The following DEUP1 variants were observed in gnomAD, a reference collection of about 807,000 sequenced individuals.
The protein encoded by DEUP1 is deuterosome assembly protein 1.
A neutral mutation model predicts 87.4 loss-of-function variants in DEUP1; 82 were observed. The observed-to-expected ratio is 0.94, with a 90% confidence interval of 0.78 to 1.13. The LOEUF (loss-of-function observed/expected upper bound fraction) is 1.13. Ranked by LOEUF, DEUP1 falls within the 50% of genes most tolerant of loss-of-function variation. The pLI is 0.00. For synonymous variants in DEUP1, 214 were observed against 222.7 expected, an observed-to-expected ratio of 0.96 and a Z score of 0.35; for missense variants, 663 against 681.5, an observed-to-expected ratio of 0.97 and a Z score of 0.30.
Position 93,366,917 on chromosome 11 carries a change from CA to C in DEUP1, c.432+2624del, listed in dbSNP as rs200139636. On this transcript the variant is annotated intron_variant, in intron 5 of 13. Transcript: ENST00000298050. ...GATTCCTTTTTAAATTAAAAGTAAA[CA>C]GAAATTTTTTAAATCTAGATTGCAT... Among the ~76,000 whole-genome samples the C allele has an allele frequency of 8.5e-5, 13 of 152,176 alleles. No individual in the cohort carries two copies. In the East Asian group the frequency reaches 2.3e-3, roughly 27 times the overall value.
chr11:93,409,347 T>C (rs1419682558), intron 12 of DEUP1, among the ~76,000 whole-genome samples: 1 of 152,180 alleles, frequency 6.6e-6, no homozygotes, highest in Non-Finnish European at 1.5e-5. Context: ...CTATCAAGCA[T>C]AAAAATAGGC....
intron 1 of DEUP1, among the ~76,000 whole-genome samples, chr11:93,332,012 G>C (rs1280390422): frequency 6.6e-6 from 1 of 152,162 alleles, no homozygotes; most frequent in African/African-American, 2.4e-5. Context: ...CTGCACTCCA[G>C]CCTGGGCCAC....
At chr11:93,412,075 G>A (rs1947450738) in intron 12 of DEUP1, among the ~76,000 whole-genome samples, 1 of 152,186 alleles carries the variant, frequency 6.6e-6, no homozygotes, top group Admixed American at 6.5e-5. Context: ...TGGAGTGTTG[G>A]AAGGTGAGGC....
At chr11:93,333,820 G>A (rs1256601055) in intron 2 of DEUP1, among the ~76,000 whole-genome samples, 1 of 152,188 alleles carries the variant, frequency 6.6e-6, no homozygotes, top group East Asian at 1.9e-4. Context: ...GCAGGGAGCA[G>A]CCTGCCTGGT....
intron 13 of DEUP1, among the ~76,000 whole-genome samples, chr11:93,415,816 T>C (rs1030594973): frequency 2.6e-5 from 4 of 152,116 alleles, no homozygotes; most frequent in Non-Finnish European, 5.9e-5. Context: ...CAGCTGTAGT[T>C]TATTTTTGTT....
At chr11:93,338,246 A>G (rs930058509) in intron 2 of DEUP1, among the ~76,000 whole-genome samples, 1 of 151,640 alleles carries the variant, frequency 6.6e-6, no homozygotes, top group Non-Finnish European at 1.5e-5. Flanking sequence ...TAGCAACACA[A>G]GTATCAGTGG....
chr11:93,396,422 A>T (rs575978393), intron 11 of DEUP1, 97 bp downstream of exon 11: 163 of 722,004 alleles, frequency 2.3e-4, no homozygotes, highest in Non-Finnish European at 3.4e-4. Context: ...GCTGTGTGTT[A>T]GACATGAAGG....
chr11:93,430,546 C>T lies in DEUP1; in HGVS notation c.1639-6997C>T, dbSNP rs58103389. On this transcript the variant is annotated intron_variant, in intron 13 of 13. Coordinates refer to ENST00000298050, the MANE Select transcript of DEUP1 (RefSeq NM_181645.4). ...TAGCCAAATAGGTAAATGAAATCCA[C>T]TGAAACAATGTAGATTGGTGGTTAC... Among the ~76,000 whole-genome samples the T allele has an allele frequency of 7.6e-3, 1,156 of 152,230 alleles. 15 individuals carry two copies. Among genetic ancestry groups the T allele is most frequent in the African/African-American group, 0.027 (1,115 of 41,544 alleles).
At chr11:93,387,216 A>G (rs908152929) in intron 8 of DEUP1, among the ~76,000 whole-genome samples, 2 of 152,072 alleles carry the variant, frequency 1.3e-5, no homozygotes, top group Non-Finnish European at 2.9e-5. Flanking sequence ...CATCTTTTCC[A>G]CTAAAAGAGT....
chr11:93,343,952 TA>T (rs1313178202), intron 2 of DEUP1, among the ~76,000 whole-genome samples: 1 of 152,116 alleles, frequency 6.6e-6, no homozygotes, highest in East Asian at 1.9e-4. Flanking sequence ...AATTATGTAA[TA>T]AAAATAGGCA....
intron 13 of DEUP1, among the ~76,000 whole-genome samples, chr11:93,434,091 C>T (rs774166760): frequency 7.2e-5 from 11 of 152,290 alleles, no homozygotes; most frequent in African/African-American, 2.2e-4. Context: ...GAAGGGGATC[C>T]GGGTAGGGGA....
chr11:93,418,625 G>T (rs1052708215), intron 13 of DEUP1, among the ~76,000 whole-genome samples: 1 of 151,702 alleles, frequency 6.6e-6, no homozygotes, highest in Non-Finnish European at 1.5e-5. Flanking sequence ...TCAGTGTGGC[G>T]ATTCCTCAGG....
intron 2 of DEUP1, among the ~76,000 whole-genome samples, chr11:93,355,032 A>G (rs985805076): frequency 2.6e-5 from 4 of 152,142 alleles, no homozygotes; most frequent in African/African-American, 4.8e-5. Context: ...CCTCTGTCAA[A>G]CCTTCTGAAG....
intron 12 of DEUP1, among the ~76,000 whole-genome samples, chr11:93,413,996 T>C (rs1947525866): frequency 6.6e-6 from 1 of 152,218 alleles, no homozygotes; most frequent in South Asian, 2.1e-4. Flanking sequence ...ACCTAATCTT[T>C]ACTAAACATT....
intron 7 of DEUP1, among the ~76,000 whole-genome samples, chr11:93,373,612 T>TAC (rs58114046): frequency 1.2e-5 from 1 of 86,750 alleles, no homozygotes; most frequent in African/African-American, 3.5e-5. Context: ...TATTTATATA[T>TAC]GTATATATAT....
rs11020283 is a variant in DEUP1 at position 93,366,114 on chromosome 11, G to A, written c.432+1820G>A. ...AAAAAATTTAGATGCACACTGAAGC[G>A]TTTAGGGATGAAAACACACGAGGTC... On this transcript the variant is annotated intron_variant, in intron 5 of 13. Coordinates refer to ENST00000298050, the MANE Select transcript of DEUP1 (RefSeq NM_181645.4). Among the ~76,000 whole-genome samples, 50 of 152,230 alleles carry A rather than the reference G, an allele frequency of 3.3e-4. No individual in the cohort carries two copies. The East Asian group carries it at 5.4e-3, about 16-fold the overall frequency.
Position 93,389,098 on chromosome 11 carries a change from A to G in DEUP1, c.1014A>G (p.Gln338=), listed in dbSNP as rs924900648. ...AGCTGTTTTCAGTGATGCAAGATCAACCAAATCATGAAAAAGAATTGAACA... is the reference window on the plus strand; with the variant it reads ...AGCTGTTTTCAGTGATGCAAGATCAGCCAAATCATGAAAAAGAATTGAACA... ...IKELFSVMQD[Q]PNHEKELNKI... The change falls in exon 9 of 14, where the codon CAA becomes CAG. Residue 338 remains glutamine (Q), a synonymous_variant. Coordinates refer to ENST00000298050, the MANE Select transcript of DEUP1 (RefSeq NM_181645.4). The G allele has an allele frequency of 1.3e-6, 2 of 1,598,264 alleles. No individual in the cohort carries two copies. The highest frequency in any genetic ancestry group is 1.7e-6 in the Non-Finnish European group (2 of 1,171,710).
At chr11:93,336,844 A>G (rs1283615826) in intron 2 of DEUP1, among the ~76,000 whole-genome samples, 2 of 152,134 alleles carry the variant, frequency 1.3e-5, no homozygotes, top group Non-Finnish European at 2.9e-5. Context: ...GGCTTTGTCC[A>G]CTGCTAGTTC....
At chr11:93,430,195 G>T (rs553589106) in intron 13 of DEUP1, among the ~76,000 whole-genome samples, 1 of 151,826 alleles carries the variant, frequency 6.6e-6, no homozygotes, top group Admixed American at 6.6e-5. Context: ...TCCTATTTCT[G>T]TCCCTTAAAT....
Sources: allele counts gnomAD v4.1 joint callset (sites outside exome capture counted in the v4.1 genomes callset), GRCh38; gene constraint gnomAD v4.1.1; transcripts MANE v1.5; gene names NCBI Gene and HGNC (gene_info 2026-07-23, HGNC 2026-07-21).